The following SLC25A43 variants were observed in gnomAD, a reference collection of about 807,000 sequenced individuals.
SLC25A43 encodes the protein solute carrier family 25, member 43.
Under a neutral mutation model 22.8 loss-of-function variants are expected in SLC25A43, and 10 were observed. That is an observed-to-expected ratio of 0.44 (90% CI 0.27 to 0.74). SLC25A43 has a LOEUF of 0.74. Ranked by LOEUF, SLC25A43 falls within the 30% of genes least tolerant of loss-of-function variation. The pLI is 0.17. For missense variants in SLC25A43, 233 were observed against 279.1 expected, an observed-to-expected ratio of 0.83 and a Z score of 1.18; for synonymous variants, 106 against 121.6, an observed-to-expected ratio of 0.87 and a Z score of 0.84.
chrX:119,451,711 T>C, intron 3 of SLC25A43: 1 of 611,188 alleles, frequency 1.6e-6, no homozygotes, highest in Non-Finnish European at 2.2e-6. Context: ...GTTTATCATG[T>C]CCAGAAGGCA....
chrX:119,444,087 C>T (rs1335295757), intron 3 of SLC25A43, among the ~76,000 whole-genome samples: 1 of 111,328 alleles, frequency 9.0e-6, no homozygotes, highest in Admixed American at 9.6e-5. Flanking sequence ...AATATTGATT[C>T]TTTGAGCTGG....
chrX:119,451,806 G>T (rs2052709216), intron 3 of SLC25A43: 1 of 1,040,212 alleles, frequency 9.6e-7, no homozygotes, highest in Admixed American at 4.2e-5. Flanking sequence ...CAAATATATG[G>T]ACAGGGTATC....
At chrX:119,409,319 T>A (rs1471703945) in intron 2 of SLC25A43, among the ~76,000 whole-genome samples, 1 of 109,092 alleles carries the variant, frequency 9.2e-6, no homozygotes, top group Non-Finnish European at 1.9e-5. Context: ...TAGCTGAGAT[T>A]ACAGGCACGC....
In SLC25A43 at chrX:119,406,757, A is replaced by G. The variant is rs1233333920; in HGVS notation, c.517+56A>G. 4 of 1,158,820 alleles carry G rather than the reference A, an allele frequency of 3.5e-6. No individual in the cohort carries two copies. The Admixed American group carries it at 7.0e-5, about 20-fold the overall frequency. On this transcript the variant is annotated intron_variant, in intron 2 of 4. Coordinates refer to ENST00000217909, the MANE Select transcript of SLC25A43 (RefSeq NM_145305.3). ...AAAGGCTATGTTCTCTGAAATTACA[A>G]ATGTATTGTATACCTTTGTGAGCCA...
chrX:119,399,690 G>A lies in SLC25A43; in HGVS notation c.275+12G>A. 1.0e-6 allele frequency: 1 copy of A among 990,146 alleles called. No individual in the cohort carries two copies. Among genetic ancestry groups the A allele is most frequent in the Non-Finnish European group, 1.3e-6 (1 of 787,415 alleles). The allele number at this position is 990,146 out of a possible 1,213,427, so 81.6% of individuals were successfully genotyped here. A position where few individuals can be genotyped will look rare whatever the true frequency, so the allele number is the denominator to read the frequency against. ...GCCGCCTACCGCAAGTAAGAGCCGGGCGGGGCCGGGGAACCGGGAGACCGG... is the reference window on the plus strand; with the variant it reads ...GCCGCCTACCGCAAGTAAGAGCCGGACGGGGCCGGGGAACCGGGAGACCGG... On this transcript the variant is annotated intron_variant, in intron 1 of 4. Coordinates refer to ENST00000217909, the MANE Select transcript of SLC25A43 (RefSeq NM_145305.3).
intron 3 of SLC25A43, among the ~76,000 whole-genome samples, chrX:119,447,980 G>A (rs1034478565): frequency 4.5e-5 from 5 of 111,127 alleles, no homozygotes; most frequent in African/African-American, 1.3e-4. Context: ...CAAGCATTGC[G>A]CAGTTGAACT....
At chrX:119,443,994 A>G (rs1417757578) in intron 3 of SLC25A43, among the ~76,000 whole-genome samples, 1 of 110,224 alleles carries the variant, frequency 9.1e-6, no homozygotes, top group African/African-American at 3.3e-5. Context: ...GGATCAAGCG[A>G]TCTGCCAGCC....
intron 2 of SLC25A43, 131 bp downstream of exon 2, chrX:119,406,832 A>G (rs2052301269): frequency 1.3e-6 from 1 of 789,092 alleles, no homozygotes; most frequent in Non-Finnish European, 1.8e-6. Flanking sequence ...ACCTACATAG[A>G]GGCAATTAGC....
intron 3 of SLC25A43, among the ~76,000 whole-genome samples, chrX:119,428,239 G>A (rs184379376): frequency 7.6e-4 from 85 of 111,981 alleles, no homozygotes; most frequent in African/African-American, 2.4e-3. Flanking sequence ...TGGATCACTT[G>A]AGGTCAGGAG....
intron 3 of SLC25A43, among the ~76,000 whole-genome samples, chrX:119,418,166 G>A (rs1015599556): frequency 3.6e-5 from 4 of 111,428 alleles, no homozygotes; most frequent in African/African-American, 9.8e-5. Flanking sequence ...AAGAGGCCTA[G>A]AAACCACAGG....
chrX:119,409,678 C>G (rs775865053), intron 2 of SLC25A43, among the ~76,000 whole-genome samples: 1 of 110,647 alleles, frequency 9.0e-6, no homozygotes, highest in East Asian at 2.8e-4. Flanking sequence ...TGCCGTGGTG[C>G]GATCTCAGCT....
At chrX:119,426,250 G>A (rs3848870) in intron 3 of SLC25A43, 29,317 of 753,388 alleles carry the variant, frequency 0.039, 542 homozygotes, top group South Asian at 0.11. Context: ...TAGCTCAGTG[G>A]GTAACAGTGT....
chrX:119,411,221 C>T (rs1390044614), intron 3 of SLC25A43, among the ~76,000 whole-genome samples: 1 of 111,718 alleles, frequency 9.0e-6, no homozygotes, highest in Non-Finnish European at 1.9e-5. Context: ...CAGCATCAGG[C>T]CGGGCACGGT....
Position 119,454,416 on chromosome X carries a change from G to T in SLC25A43, c.*1351G>T, listed in dbSNP as rs867898631. On this transcript the variant is annotated 3_prime_UTR_variant, in exon 5 of 5. Coordinates refer to ENST00000217909, the MANE Select transcript of SLC25A43 (RefSeq NM_145305.3). ...ATACACACACATACACTCATACATA[G>T]AGAGAGATTTTCGGTATGTTGCAAG... 1 of 111,906 alleles carries T rather than the reference G, an allele frequency of 8.9e-6. No individual in the cohort carries two copies. Among genetic ancestry groups the T allele is most frequent in the Non-Finnish European group, 1.9e-5 (1 of 53,194 alleles). The allele number at this position is 111,906 out of a possible 1,213,427, so 9.2% of individuals were successfully genotyped here.
chrX:119,406,367 T>G, intron 1 of SLC25A43, 93 bp from the exon 2 acceptor site: 1 of 1,060,195 alleles, frequency 9.4e-7, no homozygotes, highest in South Asian at 2.2e-5. Flanking sequence ...TAAAGTACTT[T>G]GAAATGCTGG....
chrX:119,400,298 C>G (rs1213042666), intron 1 of SLC25A43, among the ~76,000 whole-genome samples: 1 of 111,271 alleles, frequency 9.0e-6, no homozygotes, highest in East Asian at 2.8e-4. Flanking sequence ...CTTCACCCCA[C>G]TGGCCTCATT....
At chrX:119,406,350 C>G in intron 1 of SLC25A43, 110 bp from the exon 2 acceptor site, 3 of 937,892 alleles carry the variant, frequency 3.2e-6, no homozygotes, top group Non-Finnish European at 4.4e-6. Context: ...AGTAACTTTT[C>G]ACTTTGTAAA....
chrX:119,422,956 G>A (rs1173681536), intron 3 of SLC25A43: 1 of 111,740 alleles, frequency 8.9e-6, no homozygotes, highest in East Asian at 2.8e-4. Flanking sequence ...GGAAGTGCTT[G>A]ACAAATCATA....
intron 2 of SLC25A43, 142 bp from the exon 3 acceptor site, chrX:119,410,048 C>G (rs1342551428): frequency 3.3e-6 from 2 of 613,472 alleles, no homozygotes; most frequent in Non-Finnish European, 5.1e-6. Flanking sequence ...AGAAAGTTCC[C>G]TCATGCTCCT....
Sources: gnomAD v4.1 joint callset for allele counts (sites outside exome capture counted in the v4.1 genomes callset) on GRCh38, gnomAD v4.1.1 for gene constraint, MANE v1.5 for transcripts, NCBI Gene and HGNC (gene_info 2026-07-23, HGNC 2026-07-21) for gene names.